Variants in ZNF407 observed in about 807,000 individuals in gnomAD.
ZNF407 encodes the protein zinc finger protein 407.
Under a neutral mutation model 131.2 loss-of-function variants are expected in ZNF407, and 17 were observed. The observed-to-expected ratio is 0.13, with a 90% CI of 0.09 to 0.19. The LOEUF is 0.19. ZNF407 is among the 10% of genes least tolerant of loss of function. ZNF407 has a pLI of 1.00. For synonymous variants in ZNF407, 1,156 were observed against 1,062.0 expected (o/e 1.09, Z -1.72); for missense variants, 2,681 against 2,830.6 (o/e 0.95, Z 1.20).
chr18:74,845,680 T>C (rs1970692976), intron 4 of ZNF407, among the ~76,000 whole-genome samples: 2 of 152,206 alleles, frequency 1.3e-5, no homozygotes, highest in Admixed American at 6.5e-5. Flanking sequence ...TACTAAAATA[T>C]ACAATGAAGT....
rs757862697 is a variant in ZNF407 at position 75,063,308 on chromosome 18, G to T, written c.5587G>T (p.Val1863Leu). 5 of 1,613,534 alleles carry T rather than the reference G, an allele frequency of 3.1e-6. No homozygotes were observed. In the South Asian group the frequency reaches 5.5e-5, roughly 18 times the overall value. The change falls in exon 9 of 9, where the codon GTG (valine) becomes TTG (leucine). Residue 1863 changes from valine (V) to leucine (L), a missense_variant. Transcript: ENST00000299687. This position sits in a 1 kb window ranked among gnomAD's most constrained non-coding sequence, Gnocchi z 6.6. ...GAGGCCAGCGCCGCCCCCTGAGCAG[G>T]TGCAGCAGGTCATCATCTTCCAGGG... ...SRRPAPPPEQVQQVIIFQGYD... is the reference protein window; with the variant it reads ...SRRPAPPPEQLQQVIIFQGYD...
At position 74,644,177 on chromosome 18, in the gene ZNF407, CTTTTTTTT is replaced by C. The variant is rs34393480; in HGVS notation, c.4802+3067_4802+3074del. On this transcript the variant is annotated intron_variant, in intron 3 of 8. Transcript: ENST00000299687. The stretch of plus-strand genomic sequence containing the variant: ...ATTTTACTTTCACTTTTGGGGGAAT[CTTTTTTTT>C]TTTTTTTTTTTGAAAAGTTGAGTTT... Among the ~76,000 whole-genome samples the C allele has an allele frequency of 7.5e-3, 890 of 118,864 alleles. 12 individuals are homozygous for C. Among genetic ancestry groups the C allele is most frequent in the African/African-American group, 0.026 (837 of 32,412 alleles). The allele number at this position is 118,864 out of a possible 152,430, so 78.0% of individuals were successfully genotyped here.
At chr18:74,958,618 A>C (rs1246567235) in intron 8 of ZNF407, among the ~76,000 whole-genome samples, 1 of 152,190 alleles carries the variant, frequency 6.6e-6, no homozygotes. Context: ...CTGAGACACA[A>C]GCTATGCAGG....
At chr18:74,666,538 C>T (rs1985936954) in intron 3 of ZNF407, among the ~76,000 whole-genome samples, 1 of 152,212 alleles carries the variant, frequency 6.6e-6, no homozygotes, top group Non-Finnish European at 1.5e-5. Flanking sequence ...CCTTGGTTTA[C>T]CTCCTTTGGA....
intron 8 of ZNF407, among the ~76,000 whole-genome samples, chr18:74,981,650 G>T (rs1972594787): frequency 6.6e-6 from 1 of 151,236 alleles, no homozygotes; most frequent in African/African-American, 2.4e-5. Context: ...CTGTCGCTCG[G>T]CCCTGGAGGA....
intron 7 of ZNF407, among the ~76,000 whole-genome samples, chr18:74,915,402 G>GTGT (rs1319560062): frequency 7.7e-5 from 2 of 25,974 alleles, no homozygotes; most frequent in African/African-American, 1.5e-4. Context: ...GTTCGAATCA[G>GTGT]GAGTGTGTGT....
rs73476486 is a variant in ZNF407 at position 75,008,440 on chromosome 18, G to A, written c.5429-54710G>A. 2.5e-3 allele frequency among the ~76,000 whole-genome samples: 381 copies of A among 152,304 alleles called. 2 individuals carry two copies. The highest frequency in any genetic ancestry group is 8.8e-3 in the African/African-American group (367 of 41,564). On this transcript the variant is annotated intron_variant, in intron 8 of 8. Coordinates refer to ENST00000299687, the MANE Select transcript of ZNF407 (RefSeq NM_017757.3). ...TCAGGAAAAGCTCCTCTGAAGAAAC[G>A]ACCTTGCAGCTGCTCTGCAGACCTC... is the stretch of plus-strand genomic sequence containing the variant.
chr18:74,652,522 G>C, intron 3 of ZNF407, among the ~76,000 whole-genome samples: 1 of 151,826 alleles, frequency 6.6e-6, no homozygotes, highest in East Asian at 1.9e-4. Context: ...TTCCCCCCAT[G>C]CTGAGAACTT....
chr18:74,782,544 G>GCTCCC (rs1200720323), intron 4 of ZNF407, among the ~76,000 whole-genome samples: 1 of 146,030 alleles, frequency 6.8e-6, no homozygotes, highest in Non-Finnish European at 1.5e-5. Flanking sequence ...CATCCCCTCC[G>GCTCCC]CTCCCCTCCC....
At chr18:75,054,353 G>T (rs1302449252) in intron 8 of ZNF407, among the ~76,000 whole-genome samples, 2 of 152,196 alleles carry the variant, frequency 1.3e-5, no homozygotes, top group African/African-American at 4.8e-5. Context: ...ACCTTCATAT[G>T]AAAGTGTCTA....
At chr18:74,798,969 C>A (rs1969970980) in intron 4 of ZNF407, among the ~76,000 whole-genome samples, 1 of 151,918 alleles carries the variant, frequency 6.6e-6, no homozygotes, top group South Asian at 2.1e-4. Context: ...TACCTTTTGT[C>A]TTATATTTTT....
At chr18:74,754,055 T>A (rs1968871165) in intron 3 of ZNF407, among the ~76,000 whole-genome samples, 1 of 152,246 alleles carries the variant, frequency 6.6e-6, no homozygotes, top group South Asian at 2.1e-4. Flanking sequence ...GGATTCAACT[T>A]CTTCCTGGTT....
chr18:75,007,850 C>T (rs533693294), intron 8 of ZNF407, among the ~76,000 whole-genome samples: 49 of 152,282 alleles, frequency 3.2e-4, no homozygotes, highest in African/African-American at 9.9e-4. Flanking sequence ...ACATCAGCTG[C>T]TTTGGGGTAC....
In ZNF407 at chr18:74,631,064, G is replaced by A. The variant is rs764438752; in HGVS notation, c.45G>A (p.Lys15=). ...ENKPENDEDE[K]INKEAQDLTK... is the part of the protein sequence containing the mutation. ...AACCCGAAAATGATGAGGATGAAAAGATAAACAAAGAAGCACAAGACTTGA... is the reference window on the plus strand; with the variant it reads ...AACCCGAAAATGATGAGGATGAAAAAATAAACAAAGAAGCACAAGACTTGA... The change falls in exon 2 of 9, where the codon AAG becomes AAA. Residue 15 remains lysine, a synonymous_variant. Coordinates refer to ENST00000299687, the MANE Select transcript of ZNF407 (RefSeq NM_017757.3). The A allele has an allele frequency of 6.2e-7, 1 of 1,612,124 alleles. No homozygotes were observed. The highest frequency in any genetic ancestry group is 1.7e-5 in the Admixed American group (1 of 59,708).
chr18:74,664,539 A>G (rs1388798306), intron 3 of ZNF407, among the ~76,000 whole-genome samples: 1 of 152,206 alleles, frequency 6.6e-6, no homozygotes, highest in Admixed American at 6.5e-5. Flanking sequence ...TTCTATGCCC[A>G]AACCACTTCA....
chr18:74,635,107 T>G lies in ZNF407; in HGVS notation c.4088T>G (p.Ile1363Arg), dbSNP rs1984389010. ...CGATTTGACTCCTCCATAATAAGAATAAAGAACCCTGAAGATGGTGAGTTG... is the reference window on the plus strand; with the variant it reads ...CGATTTGACTCCTCCATAATAAGAAGAAAGAACCCTGAAGATGGTGAGTTG... ...FGRFDSSIIR[I>R]KNPEDGELID... is the part of the protein sequence containing the mutation. The change falls in exon 2 of 9, where the codon ATA becomes AGA. Residue 1363 changes from isoleucine to arginine, a missense_variant. Around this residue, in one of 6 missense-constraint regions of ZNF407, gnomAD observed 1,789 missense variants for 1,748.7 expected, o/e 1.02. Coordinates refer to ENST00000299687, the MANE Select transcript of ZNF407 (RefSeq NM_017757.3). This position sits in a 1 kb window ranked among gnomAD's most constrained non-coding sequence, Gnocchi z 4.7. The G allele has an allele frequency of 6.2e-7, 1 of 1,613,740 alleles. No homozygotes were observed. The highest frequency in any genetic ancestry group is 8.5e-7 in the Non-Finnish European group (1 of 1,179,862).
intron 4 of ZNF407, among the ~76,000 whole-genome samples, chr18:74,805,078 CT>C (rs1397840297): frequency 6.6e-6 from 1 of 152,120 alleles, no homozygotes; most frequent in Non-Finnish European, 1.5e-5. Flanking sequence ...AAAATGACCT[CT>C]TTTTTCCCCC....
Position 74,877,375 on chromosome 18 carries a change from C to T in ZNF407, c.5044+12C>T, listed in dbSNP as rs574915218. The T allele has an allele frequency of 1.5e-5, 24 of 1,608,892 alleles. No homozygotes were observed. Among genetic ancestry groups the T allele is most frequent in the East Asian group, 4.5e-5 (2 of 44,776 alleles). On this transcript the variant is annotated intron_variant, in intron 5 of 8. Transcript: ENST00000299687. ...CAGGACGCACACAGGTGTGCCGCGC[C>T]GCCTTCCTATCCCAGGAGGCTGGGC...
At chr18:75,032,775 G>A (rs1218634424) in intron 8 of ZNF407, among the ~76,000 whole-genome samples, 1 of 143,850 alleles carries the variant, frequency 7.0e-6, no homozygotes, top group Non-Finnish European at 1.5e-5. Flanking sequence ...TCAGAATAGG[G>A]GGAAGACAGT....
Sources: gnomAD v4.1 joint callset for allele counts (sites outside exome capture counted in the v4.1 genomes callset) on GRCh38, gnomAD v4.1.1 for gene constraint, gnomAD v4.1.1 regional missense constraint, Gnocchi (gnomAD v3.1) non-coding constraint, MANE v1.5 for transcripts, NCBI Gene and HGNC (gene_info 2026-07-23, HGNC 2026-07-21) for gene names.